EHD4: variants seen among roughly 807,000 people sequenced by gnomAD.
The protein encoded by EHD4 is EH domain-containing protein 4.
A neutral mutation model predicts 51.0 loss-of-function variants in EHD4; 37 were observed. The ratio of observed to expected loss-of-function variants is 0.73; its 90% CI spans 0.56 to 0.95. The LOEUF is 0.95. Among genes scored for constraint, EHD4 ranks in the 40% least tolerant of loss-of-function variants. The pLI is 0.00. For missense variants in EHD4, 632 were observed against 733.1 expected, an observed-to-expected ratio of 0.86 and a Z score of 1.59; for synonymous variants, 297 against 317.3, an observed-to-expected ratio of 0.94 and a Z score of 0.68.
At chr15:41,917,446 A>G (rs1488131966) in intron 4 of EHD4, among the ~76,000 whole-genome samples, 1 of 152,210 alleles carries the variant, frequency 6.6e-6, no homozygotes, top group Non-Finnish European at 1.5e-5. Context: ...GACTGAATAC[A>G]GCAGCATCTC....
intron 3 of EHD4, among the ~76,000 whole-genome samples, chr15:41,936,861 C>T (rs997632474): frequency 2.6e-5 from 4 of 152,126 alleles, no homozygotes; most frequent in African/African-American, 7.2e-5. Flanking sequence ...AAAACTTCCC[C>T]GAAACAAAAA....
In EHD4 at chr15:41,953,843, T is replaced by C. The variant is rs750225783; in HGVS notation, c.334A>G (p.Thr112Ala). The change falls in exon 2 of 6, where the codon ACC becomes GCC. Residue 112 changes from threonine (T) to alanine (A), a missense_variant. Transcript: ENST00000220325. The stretch of plus-strand genomic sequence containing the variant: ...TCCACGACTAAAGCATTCCCTGGGG[T>C]GCTGCCCTCAGTCTCTCCATACATC... The part of the protein sequence containing the change: ...AVMYGETEGS[T>A]PGNALVVDPK... 5.6e-6 allele frequency: 9 copies of C among 1,613,974 alleles called. No homozygotes were observed. The East Asian group carries it at 2.0e-4, about 36-fold the overall frequency.
At position 41,900,858 on chromosome 15, in the gene EHD4, C is replaced by G. The variant is rs766046178; in HGVS notation, c.1413G>C (p.Lys471Asn). ...INGKISGVNA[K>N]KEMVTSKLPN... ...GCAGCTTGGAGGTCACCATCTCCTTCTTGGCGTTGACACCTGATATCTTGC... is the reference window on the plus strand; with the variant it reads ...GCAGCTTGGAGGTCACCATCTCCTTGTTGGCGTTGACACCTGATATCTTGC... Residue 471 changes from lysine to asparagine, a missense_variant, in exon 6 of 6, where the codon AAG becomes AAC. Lys to Asn is a moderately conservative substitution (Grantham distance 94). Coordinates refer to ENST00000220325, the MANE Select transcript of EHD4 (RefSeq NM_139265.4). This position sits in a 1 kb window ranked among gnomAD's most constrained non-coding sequence, Gnocchi z 4.8. 1.9e-6 allele frequency: 3 copies of G among 1,614,192 alleles called. No individual in the cohort carries two copies. Among genetic ancestry groups the G allele is most frequent in the Non-Finnish European group, 2.5e-6 (3 of 1,180,036 alleles).
At chr15:41,915,965 C>T (rs78226949) in intron 4 of EHD4, among the ~76,000 whole-genome samples, 2,720 of 152,306 alleles carry the variant, frequency 0.018, 48 homozygotes, top group Middle Eastern at 0.048. Context: ...TATCTATCTA[C>T]TTTTCATATT....
chr15:41,956,970 TG>T (rs2067892121), intron 1 of EHD4, among the ~76,000 whole-genome samples: 1 of 152,180 alleles, frequency 6.6e-6, no homozygotes, highest in Non-Finnish European at 1.5e-5. Flanking sequence ...TTATATATGT[TG>T]GTGGGGGAAT....
At chr15:41,911,985 C>A (rs76972577) in intron 4 of EHD4, among the ~76,000 whole-genome samples, 3,796 of 152,260 alleles carry the variant, frequency 0.025, 168 homozygotes, top group African/African-American at 0.087. Context: ...TCCCTGGTGC[C>A]CAGGGCCTGC....
At chr15:41,937,802 T>C (rs527925890) in intron 3 of EHD4, among the ~76,000 whole-genome samples, 2 of 152,316 alleles carry the variant, frequency 1.3e-5, no homozygotes, top group Non-Finnish European at 2.9e-5. Context: ...TGCACCCCTC[T>C]TAGTCACAGC....
chr15:41,909,345 C>T (rs549867227), intron 5 of EHD4, among the ~76,000 whole-genome samples: 1 of 152,326 alleles, frequency 6.6e-6, no homozygotes, highest in South Asian at 2.1e-4. Flanking sequence ...CTGGAGGAGG[C>T]CGCCCAAGGT....
intron 5 of EHD4, among the ~76,000 whole-genome samples, chr15:41,905,348 C>G (rs1595529375): frequency 1.3e-5 from 2 of 152,160 alleles, no homozygotes; most frequent in Non-Finnish European, 1.5e-5. Flanking sequence ...GGGGTTGGCA[C>G]GGGGAACCCC....
rs762415898 is a variant in EHD4, at chr15:41,900,857, T to G, written c.1414A>C (p.Lys472Gln). Residue 472 changes from lysine (K) to glutamine (Q), a missense_variant, in exon 6 of 6, where the codon AAG becomes CAG. Physicochemically the swap from Lys to Gln is moderately conservative, Grantham distance 53. Coordinates refer to ENST00000220325, the MANE Select transcript of EHD4 (RefSeq NM_139265.4). This position sits in a 1 kb window ranked among gnomAD's most constrained non-coding sequence, Gnocchi z 4.8. ...GGCAGCTTGGAGGTCACCATCTCCT[T>G]CTTGGCGTTGACACCTGATATCTTG... is the stretch of plus-strand genomic sequence containing the variant. ...NGKISGVNAK[K>Q]EMVTSKLPNS... 1.2e-6 allele frequency: 2 copies of G among 1,614,096 alleles called. No individual in the cohort carries two copies. Among genetic ancestry groups the G allele is most frequent in the Non-Finnish European group, 1.7e-6 (2 of 1,179,996 alleles).
At chr15:41,964,366 G>C (rs530815230) in intron 1 of EHD4, among the ~76,000 whole-genome samples, 1 of 152,294 alleles carries the variant, frequency 6.6e-6, no homozygotes, top group African/African-American at 2.4e-5. Flanking sequence ...ACTTTGGGAG[G>C]CCAAGGCGTG....
chr15:41,896,899 G>T lies in EHD4; in HGVS notation c.*3746C>A, dbSNP rs1039880220. ...GGGTTTCTCTCCACAGGAAGAGTTG[G>T]GGCTCACAGGCACACCCTCTCCCTA... On this transcript the variant is annotated 3_prime_UTR_variant, in exon 6 of 6. Transcript: ENST00000220325. 1 of 152,096 alleles carries T rather than the reference G, an allele frequency of 6.6e-6. No homozygotes were observed. Among genetic ancestry groups the T allele is most frequent in the East Asian group, 1.9e-4 (1 of 5,184 alleles). 9.4% of individuals were successfully genotyped at this position (152,096 alleles called of 1,614,324 possible). A position where few individuals can be genotyped will look rare whatever the true frequency, so the allele number is the denominator to read the frequency against.
chr15:41,932,497 T>A (rs2067705705), intron 3 of EHD4, among the ~76,000 whole-genome samples: 1 of 152,172 alleles, frequency 6.6e-6, no homozygotes, highest in Non-Finnish European at 1.5e-5. Context: ...GTGCTTTGCA[T>A]CTCGATTTGG....
chr15:41,901,989 G>A (rs1470331210), intron 5 of EHD4, among the ~76,000 whole-genome samples: 1 of 152,176 alleles, frequency 6.6e-6, no homozygotes, highest in East Asian at 1.9e-4. Flanking sequence ...CAGGGAGTAG[G>A]GCTGGGGAGC....
intron 4 of EHD4, among the ~76,000 whole-genome samples, chr15:41,918,242 A>ACACACACACACG (rs1347109024): frequency 9.2e-5 from 12 of 130,562 alleles, no homozygotes; most frequent in South Asian, 2.6e-4. Flanking sequence ...ACACACACAC[A>ACACACACACACG]CGCGCATGTT....
intron 1 of EHD4, among the ~76,000 whole-genome samples, chr15:41,966,059 C>T (rs970932515): frequency 3.3e-5 from 5 of 151,896 alleles, no homozygotes; most frequent in African/African-American, 1.2e-4. Context: ...TCTGAGATGC[C>T]AGCTGCTCCC....
chr15:41,937,622 C>G (rs750725174), intron 3 of EHD4, among the ~76,000 whole-genome samples: 13 of 152,226 alleles, frequency 8.5e-5, no homozygotes, highest in Non-Finnish European at 2.9e-5. Context: ...TCAAATCCTT[C>G]TTGTTACCAA....
intron 5 of EHD4, among the ~76,000 whole-genome samples, chr15:41,904,797 G>A (rs1201826778): frequency 6.6e-6 from 1 of 152,214 alleles, no homozygotes; most frequent in African/African-American, 2.4e-5. Context: ...TGGCCCTTCG[G>A]GTGCTCATCT....
At chr15:41,908,191 C>G (rs2067525141) in intron 5 of EHD4, 1 of 152,126 alleles carries the variant, frequency 6.6e-6, no homozygotes, top group African/African-American at 2.4e-5. Flanking sequence ...AAAATAAATA[C>G]AGCTAAAGCA....
Sources: gnomAD v4.1 joint callset for allele counts (sites outside exome capture counted in the v4.1 genomes callset) on GRCh38, gnomAD v4.1.1 for gene constraint, Gnocchi (gnomAD v3.1) non-coding constraint, MANE v1.5 for transcripts, NCBI Gene and HGNC (gene_info 2026-07-23, HGNC 2026-07-21) for gene names.